Variants in ATP5F1B observed in about 807,000 individuals in gnomAD.
ATP5F1B encodes the protein ATP synthase F(1) complex subunit beta, mitochondrial.
A neutral mutation model predicts 45.9 loss-of-function variants in ATP5F1B; 17 were observed. The ratio of observed to expected loss-of-function variants is 0.37; its 90% CI spans 0.25 to 0.56. The LOEUF (loss-of-function observed/expected upper bound fraction) is 0.56. ATP5F1B is among the 20% of genes least tolerant of loss of function. The pLI, the probability that ATP5F1B is intolerant of heterozygous loss-of-function variation, is 0.80. For missense variants in ATP5F1B, 387 were observed against 673.2 expected (o/e 0.57, Z 4.70); for synonymous variants, 218 against 256.5 (o/e 0.85, Z 1.43).
chr12:56,639,410 TTA>T (rs1455534509), intron 8 of ATP5F1B, 103 bp from the exon 9 acceptor site: 5 of 1,043,780 alleles, frequency 4.8e-6, no homozygotes, highest in Non-Finnish European at 7.1e-6. Flanking sequence ...GGTGGTGGTG[TTA>T]TGAGGGCCCT....
chr12:56,642,316 T>C, intron 7 of ATP5F1B, 142 bp downstream of exon 7: 1 of 1,232,742 alleles, frequency 8.1e-7, no homozygotes, highest in Non-Finnish European at 1.1e-6. Context: ...TATACATCTC[T>C]CTACATACAT....
At position 56,639,194 on chromosome 12, in the gene ATP5F1B, T is replaced by G. The variant is rs760854189; in HGVS notation, c.1401A>C (p.Pro467=). ...CTGTGAAGACCTCAGCAACCTGGAA[T>G]GGCTGAGACAAGAAACGCTGTATTT... ...ARKIQRFLSQ[P]FQVAEVFTGH... The change falls in exon 9 of 10, where the codon CCA becomes CCC. Residue 467 remains proline, a synonymous_variant. Coordinates refer to ENST00000262030, the MANE Select transcript of ATP5F1B (RefSeq NM_001686.4). The G allele has an allele frequency of 7.4e-6, 12 of 1,613,922 alleles. No individual in the cohort carries two copies. The South Asian group carries it at 1.3e-4, about 18-fold the overall frequency.
chr12:56,640,142 C>CA lies in ATP5F1B; in HGVS notation c.1124_1125insT (p.Phe376ValfsTer16). ...CAGTGGTAGCATCCAAATGGGCAAA[C>CA]GTAGTAGCAGGGGCAGGGTCAGTCA... is the stretch of plus-strand genomic sequence containing the variant. On this transcript the variant is annotated frameshift_variant, in exon 8 of 10. Transcript: ENST00000262030. LOFTEE classifies it high-confidence loss of function. 1 of 1,613,838 alleles carries CA rather than the reference C, an allele frequency of 6.2e-7. No homozygotes were observed. The highest frequency in any genetic ancestry group is 2.2e-5 in the East Asian group (1 of 44,886).
rs368524880 is a variant in ATP5F1B at position 56,645,853 on chromosome 12, C to T, written c.111G>A (p.Pro37=). ...PPAQLLLRAA[P]TAVHPVRDYA... ...AGCACTTACCAGGATGGACCGCCGT[C>T]GGAGCGGCCCGCAGTAAGAGCTGAG... The change falls in exon 1 of 10, where the codon CCG becomes CCA. Residue 37 remains proline (P), a synonymous_variant. Coordinates refer to ENST00000262030, the MANE Select transcript of ATP5F1B (RefSeq NM_001686.4). The T allele has an allele frequency of 9.9e-6, 16 of 1,608,916 alleles. No individual in the cohort carries two copies. In the East Asian group the frequency reaches 1.1e-4, roughly 11 times the overall value.
At chr12:56,642,874 G>C (rs1440761991) in intron 5 of ATP5F1B, 43 bp from the exon 6 acceptor site, 1 of 1,606,686 alleles carries the variant, frequency 6.2e-7, no homozygotes, top group Non-Finnish European at 8.5e-7. Flanking sequence ...CAAAGGAGTA[G>C]AGAAGCCACA....
At chr12:56,645,383 G>T in intron 1 of ATP5F1B, 30 bp from the exon 2 acceptor site, 1 of 1,601,662 alleles carries the variant, frequency 6.2e-7, no homozygotes, top group Non-Finnish European at 8.5e-7. Context: ...GGAAGGAGCT[G>T]GGGTCAGGCC....
intron 6 of ATP5F1B, 46 bp downstream of exon 6, chr12:56,642,627 G>A (rs749480463): frequency 1.5e-5 from 24 of 1,613,826 alleles, no homozygotes; most frequent in African/African-American, 2.7e-5. Context: ...AGCCTCATCC[G>A]AAGAAAGGCC....
chr12:56,638,242 G>C lies in ATP5F1B; in HGVS notation c.*81C>G. 8.7e-7 allele frequency: 1 copy of C among 1,153,598 alleles called. No individual in the cohort carries two copies. Among genetic ancestry groups the C allele is most frequent in the Non-Finnish European group, 1.3e-6 (1 of 782,754 alleles). 71.5% of individuals were successfully genotyped at this position (1,153,598 alleles called of 1,614,324 possible). A position where few individuals can be genotyped will look rare whatever the true frequency, so the allele number is the denominator to read the frequency against. On this transcript the variant is annotated 3_prime_UTR_variant, in exon 10 of 10. Transcript: ENST00000262030. Reference sequence around the variant, plus strand: ...CAGAAAGAATATATCTTCAATCAAGGCTCTTGTGCAGCCTACACAGAAAAA... The same window carrying C: ...CAGAAAGAATATATCTTCAATCAAGCCTCTTGTGCAGCCTACACAGAAAAA...
chr12:56,643,059 A>G, intron 5 of ATP5F1B: 2 of 555,430 alleles, frequency 3.6e-6, no homozygotes, highest in South Asian at 2.7e-5. Context: ...TATTCAAGTT[A>G]AGTGAAAAGT....
chr12:56,640,421 G>A (rs1174164999), intron 7 of ATP5F1B, among the ~76,000 whole-genome samples: 1 of 151,932 alleles, frequency 6.6e-6, no homozygotes, highest in Non-Finnish European at 1.5e-5. Context: ...GTAGAGACGG[G>A]GTTTCACTAT....
In ATP5F1B at chr12:56,645,982, A is replaced by G. The variant is rs1327409382; in HGVS notation, c.-19T>C. ...CCAACATGGCGTAGTCCGGGTGGAGACTGAAGGCTGCAGCAACCGCAGCCG... is the reference window on the plus strand; with the variant it reads ...CCAACATGGCGTAGTCCGGGTGGAGGCTGAAGGCTGCAGCAACCGCAGCCG... On this transcript the variant is annotated 5_prime_UTR_variant, in exon 1 of 10. Coordinates refer to ENST00000262030, the MANE Select transcript of ATP5F1B (RefSeq NM_001686.4). 12 of 1,585,422 alleles carry G rather than the reference A, an allele frequency of 7.6e-6. No homozygotes were observed. The highest frequency in any genetic ancestry group is 9.4e-6 in the Non-Finnish European group (11 of 1,166,398).
chr12:56,641,194 G>A (rs1479182858), intron 7 of ATP5F1B, among the ~76,000 whole-genome samples: 7 of 151,604 alleles, frequency 4.6e-5, no homozygotes, highest in African/African-American at 7.3e-5. Flanking sequence ...GTGAAACCCC[G>A]TCTCTACTAA....
In ATP5F1B at chr12:56,642,540, T is replaced by C; in HGVS notation, c.992A>G (p.Tyr331Cys). The stretch of plus-strand genomic sequence containing the variant: ...CATGTCAGTGGCCAGGGTAGGCTGA[T>C]AGCCCACAGCAGAAGGGATTCGGCC... Reference protein sequence around the residue: ...LLGRIPSAVGYQPTLATDMGT... With the variant: ...LLGRIPSAVGCQPTLATDMGT... The change falls in exon 7 of 10, where the codon TAT (tyrosine) becomes TGT (cysteine). Residue 331 changes from tyrosine (Y) to cysteine (C), a missense_variant. Tyr to Cys is a radical substitution (Grantham distance 194). Transcript: ENST00000262030. 1.2e-6 allele frequency: 2 copies of C among 1,614,120 alleles called. No homozygotes were observed. The highest frequency in any genetic ancestry group is 1.7e-6 in the Non-Finnish European group (2 of 1,180,032).
intron 8 of ATP5F1B, 197 bp from the exon 9 acceptor site, chr12:56,639,504 T>A: frequency 1.7e-6 from 1 of 592,312 alleles, no homozygotes; most frequent in Non-Finnish European, 3.0e-6. Context: ...CCGGGCGCAG[T>A]GGCTCACGTC....
rs1951542208 is a variant in ATP5F1B at position 56,645,411 on chromosome 12, A to G, written c.128-58T>C. 1.9e-6 allele frequency: 3 copies of G among 1,539,758 alleles called. No homozygotes were observed. The Admixed American group carries it at 5.8e-5, about 30-fold the overall frequency. On this transcript the variant is annotated intron_variant, in intron 1 of 9. Transcript: ENST00000262030. ...GTCAGGCCAGTTAAAGGTCATCGGA[A>G]GCCAGGACTTAACACACAAGGAGAG...
chr12:56,644,963 A>C lies in ATP5F1B; in HGVS notation c.311-8T>G. 6.2e-7 allele frequency: 1 copy of C among 1,614,128 alleles called. No individual in the cohort carries two copies. The highest frequency in any genetic ancestry group is 8.5e-7 in the Non-Finnish European group (1 of 1,179,934). On this transcript the variant is annotated splice_region_variant and splice_polypyrimidine_tract_variant and intron_variant, in intron 2 of 9. Coordinates refer to ENST00000262030, the MANE Select transcript of ATP5F1B (RefSeq NM_001686.4). ...TCCTTACTGTGCTCTCACCTGTTAGATACAGGCATCGCAGGGTTATACATA... is the reference window on the plus strand; with the variant it reads ...TCCTTACTGTGCTCTCACCTGTTAGCTACAGGCATCGCAGGGTTATACATA...
rs770948747 is a variant in ATP5F1B at position 56,638,290 on chromosome 12, A to G, written c.*33T>C. The stretch of plus-strand genomic sequence containing the variant: ...AAATGAAGCTTTTTGGGTTAGGGGC[A>G]AGGAGAGAGACAGTACAGAGGACAA... On this transcript the variant is annotated 3_prime_UTR_variant, in exon 10 of 10. Coordinates refer to ENST00000262030, the MANE Select transcript of ATP5F1B (RefSeq NM_001686.4). The G allele has an allele frequency of 5.7e-6, 9 of 1,575,686 alleles. No homozygotes were observed. The East Asian group carries it at 2.0e-4, about 35-fold the overall frequency.
At chr12:56,639,842 T>G (rs1474615618) in intron 8 of ATP5F1B, 138 bp downstream of exon 8, 9 of 775,054 alleles carry the variant, frequency 1.2e-5, no homozygotes, top group Non-Finnish European at 1.9e-5. Context: ...GAGACCTCAT[T>G]AGCTCTCACT....
In ATP5F1B at chr12:56,643,591, T is replaced by A; in HGVS notation, c.608-4A>T. On this transcript the variant is annotated splice_region_variant and splice_polypyrimidine_tract_variant and intron_variant, in intron 4 of 9. Transcript: ENST00000262030. The stretch of plus-strand genomic sequence containing the variant: ...ACTCCAGCACCACCAAAAAGCCCTA[T>A]AAGAGGTTGAAAAGAAAGAATATTT... The A allele has an allele frequency of 8.7e-6, 14 of 1,613,880 alleles. No individual in the cohort carries two copies. The highest frequency in any genetic ancestry group is 1.2e-5 in the Non-Finnish European group (14 of 1,179,912).
Sources: gnomAD v4.1 joint callset for allele counts (sites outside exome capture counted in the v4.1 genomes callset) on GRCh38, gnomAD v4.1.1 for gene constraint, MANE v1.5 for transcripts, NCBI Gene and HGNC (gene_info 2026-07-23, HGNC 2026-07-21) for gene names.